The following RBFOX1 variants were observed in gnomAD, a reference collection of about 807,000 sequenced individuals.
RBFOX1 encodes the protein RNA binding protein fox-1 homolog 1.
RBFOX1 carries 8 observed loss-of-function variants against 57.7 expected under a neutral mutation model. The observed-to-expected ratio is 0.14, with a 90% confidence interval of 0.08 to 0.25. The LOEUF (loss-of-function observed/expected upper bound fraction) is 0.25. Ranked by LOEUF, RBFOX1 falls within the 10% of genes least tolerant of loss-of-function variation. The pLI is 1.00. For missense variants in RBFOX1, 611 were observed against 548.5 expected, an observed-to-expected ratio of 1.11 and a Z score of -1.14; for synonymous variants, 326 against 222.4, an observed-to-expected ratio of 1.47 and a Z score of -4.15.
chr16:7,254,775 C>T (rs949239532), intron 4 of RBFOX1, among the ~76,000 whole-genome samples: 6 of 152,120 alleles, frequency 3.9e-5, no homozygotes, highest in African/African-American at 7.2e-5. Flanking sequence ...TTGCTCATAC[C>T]TAGAAGGGTG....
rs113141443 is a variant in RBFOX1, at chr16:5,246,351, G to A, written c.219+6246G>A. ...GTTGAATTTATTGAATTGACAAAAA[G>A]TATGTACAAGAGGGTATACAACATG... On this transcript the variant is annotated intron_variant, in intron 1 of 2. Coordinates refer to the RBFOX1 transcript ENST00000585867. Among the ~76,000 whole-genome samples, 4 of 152,280 alleles carry A rather than the reference G, an allele frequency of 2.6e-5. No homozygotes were observed. The East Asian group carries it at 7.7e-4, about 29-fold the overall frequency.
At chr16:6,571,180 C>G (rs2097339726) in intron 2 of RBFOX1, among the ~76,000 whole-genome samples, 1 of 152,132 alleles carries the variant, frequency 6.6e-6, no homozygotes, top group African/African-American at 2.4e-5. Context: ...CAACTACAAA[C>G]AAAAGGGGTC....
rs578112677 is a variant in RBFOX1, at chr16:7,592,955, A to G, written c.469-2594A>G. Among the ~76,000 whole-genome samples, 10 of 150,300 alleles carry G rather than the reference A, an allele frequency of 6.7e-5. No individual in the cohort carries two copies. The South Asian group carries it at 2.1e-3, about 32-fold the overall frequency. On this transcript the variant is annotated intron_variant, in intron 7 of 15. Coordinates refer to ENST00000550418, the MANE Select transcript of RBFOX1 (RefSeq NM_018723.4). ...CTCAGCCTCCCAAGTAGCAGAGACA[A>G]TAGGTACAGGCTGTCACACCTGGCT... is the stretch of plus-strand genomic sequence containing the variant.
At chr16:6,034,514 G>A (rs973092425) in intron 1 of RBFOX1, among the ~76,000 whole-genome samples, 1 of 151,930 alleles carries the variant, frequency 6.6e-6, no homozygotes, top group East Asian at 1.9e-4. Context: ...TTCATATGGT[G>A]GAAGGTAGAA....
At chr16:7,399,691 C>T (rs1026834871) in intron 4 of RBFOX1, among the ~76,000 whole-genome samples, 5 of 151,588 alleles carry the variant, frequency 3.3e-5, no homozygotes, top group Admixed American at 2.6e-4. Context: ...AAGAATTTGT[C>T]GATGGATTTA....
intron 4 of RBFOX1, among the ~76,000 whole-genome samples, chr16:5,970,729 C>G (rs749256395): frequency 6.6e-6 from 1 of 152,092 alleles, no homozygotes; most frequent in Non-Finnish European, 1.5e-5. Flanking sequence ...AAGGACCCTG[C>G]GAAATTGACT....
rs137972466 is a variant in RBFOX1 at position 6,150,709 on chromosome 16, A to C, written c.-127+130717A>C. ...TTCCCTTCCTCTTTCCACGGCTGGA[A>C]TCTAAACCGCATGAGAGCTGGGGAA... is the stretch of plus-strand genomic sequence containing the variant. On this transcript the variant is annotated intron_variant, in intron 1 of 15. Coordinates refer to ENST00000550418, the MANE Select transcript of RBFOX1 (RefSeq NM_018723.4). Among the ~76,000 whole-genome samples, 404 of 152,222 alleles carry C rather than the reference A, an allele frequency of 2.7e-3. 1 individual carries two copies. Among genetic ancestry groups the C allele is most frequent in the East Asian group, 0.021 (111 of 5,168 alleles).
At chr16:7,419,268 C>A (rs1370103467) in intron 4 of RBFOX1, among the ~76,000 whole-genome samples, 4 of 152,078 alleles carry the variant, frequency 2.6e-5, no homozygotes, top group African/African-American at 9.7e-5. Context: ...CTGCCTTGTC[C>A]CTTTACCTGT....
intron 4 of RBFOX1, among the ~76,000 whole-genome samples, chr16:7,461,131 G>A (rs1485034614): frequency 6.6e-6 from 1 of 152,006 alleles, no homozygotes; most frequent in African/African-American, 2.4e-5. Context: ...TATTTCACGT[G>A]GTTGATAAGA....
At chr16:6,056,541 G>A (rs1194575528) in intron 1 of RBFOX1, among the ~76,000 whole-genome samples, 4 of 152,102 alleles carry the variant, frequency 2.6e-5, no homozygotes, top group Non-Finnish European at 5.9e-5. Context: ...ATTTATTTAT[G>A]CATGTAATTG....
At chr16:6,732,152 T>G (rs1338700160) in intron 3 of RBFOX1, among the ~76,000 whole-genome samples, 1 of 152,194 alleles carries the variant, frequency 6.6e-6, no homozygotes, top group East Asian at 1.9e-4. Flanking sequence ...CTTTCCCCTA[T>G]ACATCTGATC....
intron 4 of RBFOX1, among the ~76,000 whole-genome samples, chr16:7,065,377 C>T (rs1181777725): frequency 6.6e-6 from 1 of 152,098 alleles, no homozygotes; most frequent in African/African-American, 2.4e-5. Flanking sequence ...ACTCCACCTG[C>T]CCACTCGTGT....
chr16:7,441,266 A>G (rs2149885433), intron 4 of RBFOX1, among the ~76,000 whole-genome samples: 1 of 152,326 alleles, frequency 6.6e-6, no homozygotes, highest in East Asian at 1.9e-4. Flanking sequence ...TTTAAGAACA[A>G]TCAGCATCAA....
At chr16:7,678,040 C>G (rs2073836960) in intron 14 of RBFOX1, among the ~76,000 whole-genome samples, 3 of 152,146 alleles carry the variant, frequency 2.0e-5, no homozygotes, top group Admixed American at 1.3e-4. Context: ...CTAAAAGCTG[C>G]ATTTTGAAAA....
rs549961096 is a variant in RBFOX1 at position 6,924,477 on chromosome 16, G to A, written c.-15-127580G>A. ...ATGGCAGGCACCAAGCCATTCTTGA[G>A]GAAGCCACCCCCATAACTCAAATAT... On this transcript the variant is annotated intron_variant, in intron 3 of 15. Transcript: ENST00000550418. 9.2e-4 allele frequency among the ~76,000 whole-genome samples: 140 copies of A among 152,104 alleles called. 4 individuals carry two copies. In the South Asian group the frequency reaches 0.028, roughly 31 times the overall value.
intron 1 of RBFOX1, among the ~76,000 whole-genome samples, chr16:6,110,227 T>TTC (rs2096430216): frequency 1.4e-5 from 2 of 143,844 alleles, no homozygotes; most frequent in Admixed American, 7.0e-5. Flanking sequence ...ATTATTCTTT[T>TTC]AGCTCTCTGG....
chr16:6,694,468 A>T (rs1261285135), intron 3 of RBFOX1, among the ~76,000 whole-genome samples: 2 of 152,202 alleles, frequency 1.3e-5, no homozygotes, highest in Non-Finnish European at 2.9e-5. Context: ...GGGAAATGAA[A>T]ATGTTGATGA....
chr16:6,600,601 C>A (rs1442360668), intron 2 of RBFOX1, among the ~76,000 whole-genome samples: 1 of 152,130 alleles, frequency 6.6e-6, no homozygotes, highest in African/African-American at 2.4e-5. Flanking sequence ...TACAAACCTG[C>A]CATCATTTCT....
chr16:7,683,153 C>T (rs1268083475), intron 14 of RBFOX1, among the ~76,000 whole-genome samples: 1 of 147,282 alleles, frequency 6.8e-6, no homozygotes, highest in East Asian at 2.1e-4. Context: ...ATGGAGATGG[C>T]TCTGAAATAG....
Sources: gnomAD v4.1 joint callset for allele counts (sites outside exome capture counted in the v4.1 genomes callset) on GRCh38, gnomAD v4.1.1 for gene constraint, MANE v1.5 for transcripts, NCBI Gene and HGNC (gene_info 2026-07-23, HGNC 2026-07-21) for gene names.